Variants in ITSN1 observed in about 807,000 individuals in gnomAD.
ITSN1 encodes intersectin-1.
ITSN1 carries 58 observed loss-of-function variants against 239.8 expected under a neutral mutation model. That is an observed-to-expected ratio of 0.24 (90% CI 0.20 to 0.30). The LOEUF (loss-of-function observed/expected upper bound fraction) is 0.30. Ranked by LOEUF, ITSN1 falls within the 10% of genes least tolerant of loss-of-function variation. The pLI is 1.00. For missense variants in ITSN1, 1,558 were observed against 2,103.3 expected (o/e 0.74, Z 5.07); for synonymous variants, 780 against 770.8 (o/e 1.01, Z -0.20).
At chr21:33,653,051 G>A (rs1215704280) in intron 1 of ITSN1, among the ~76,000 whole-genome samples, 2 of 149,392 alleles carry the variant, frequency 1.3e-5, no homozygotes, top group Non-Finnish European at 3.0e-5. Flanking sequence ...CTGGAGCGCA[G>A]TGGCACAGTC....
intron 14 of ITSN1, 61 bp from the exon 15 acceptor site, chr21:33,781,400 C>A: frequency 1.1e-6 from 1 of 894,646 alleles, no homozygotes; most frequent in Non-Finnish European, 1.9e-6. Context: ...CTGCCTGGAT[C>A]TTAATGTAGA....
intron 29 of ITSN1, among the ~76,000 whole-genome samples, chr21:33,848,193 C>T (rs903091707): frequency 1.3e-5 from 2 of 152,208 alleles, no homozygotes; most frequent in East Asian, 3.9e-4. Context: ...AATATGACTT[C>T]GTTTGGAGAT....
At chr21:33,833,886 A>G (rs1416343247) in intron 27 of ITSN1, among the ~76,000 whole-genome samples, 2 of 152,016 alleles carry the variant, frequency 1.3e-5, no homozygotes, top group African/African-American at 4.8e-5. Flanking sequence ...AAAAAAAAAA[A>G]AAAGAAGTAC....
chr21:33,724,879 T>G (rs2065727348), intron 4 of ITSN1, among the ~76,000 whole-genome samples: 1 of 152,272 alleles, frequency 6.6e-6, no homozygotes, highest in East Asian at 1.9e-4. Context: ...GGTCTCGAAC[T>G]CCTGGACTCA....
At chr21:33,818,585 G>C in intron 23 of ITSN1, 113 bp downstream of exon 23, 1 of 933,322 alleles carries the variant, frequency 1.1e-6, no homozygotes, top group Non-Finnish European at 1.7e-6. Context: ...TTGTCTTCTA[G>C]ATCTTTTAAC....
chr21:33,766,085 G>A, intron 10 of ITSN1, 73 bp downstream of exon 10: 2 of 1,494,640 alleles, frequency 1.3e-6, no homozygotes, highest in South Asian at 1.2e-5. Flanking sequence ...TATTGACTAT[G>A]TGTCTTACCT....
In ITSN1 at chr21:33,739,735, G is replaced by T. The variant is rs188906273; in HGVS notation, c.346+4531G>T. 2.0e-4 allele frequency among the ~76,000 whole-genome samples: 31 copies of T among 152,298 alleles called. 1 individual carries two copies. Among genetic ancestry groups the T allele is most frequent in the Admixed American group, 1.8e-3 (28 of 15,296 alleles). On this transcript the variant is annotated intron_variant, in intron 5 of 39. Coordinates refer to ENST00000381318, the MANE Select transcript of ITSN1 (RefSeq NM_003024.3). ...GGAACTGCACTGGCAAAAGTCCTAA[G>T]GCAAAAACTAGCTTGGGGTTTGGAA...
At chr21:33,738,174 C>T (rs1664034313) in intron 5 of ITSN1, among the ~76,000 whole-genome samples, 1 of 151,706 alleles carries the variant, frequency 6.6e-6, no homozygotes, top group Non-Finnish European at 1.5e-5. Flanking sequence ...GTGACAGAGC[C>T]AGACCCTATC....
Position 33,722,599 on chromosome 21 carries a change from A to G in ITSN1, c.133A>G (p.Arg45Gly). The change falls in exon 4 of 40, where the codon AGA (arginine) becomes GGA (glycine). Residue 45 changes from arginine (R) to glycine (G), a missense_variant. Transcript: ENST00000381318. ...TGTTTAATTTACAGGTGATCAAGCT[A>G]GAAACTTTTTTTTTCAATCTGGGTT... ...ISGFITGDQARNFFFQSGLPQ... is the reference protein window; with the variant it reads ...ISGFITGDQAGNFFFQSGLPQ... 6.4e-7 allele frequency: 1 copy of G among 1,568,964 alleles called. No homozygotes were observed. Among genetic ancestry groups the G allele is most frequent in the Non-Finnish European group, 8.6e-7 (1 of 1,164,202 alleles).
chr21:33,686,364 T>C (rs535656446), intron 1 of ITSN1, among the ~76,000 whole-genome samples: 2 of 152,318 alleles, frequency 1.3e-5, no homozygotes, highest in South Asian at 4.1e-4. Context: ...ATATTGCTTT[T>C]TCTCTTTTCC....
At position 33,893,702 on chromosome 21, in the gene ITSN1, C is replaced by T. The variant is rs1478945566; in HGVS notation, c.*5402C>T. On this transcript the variant is annotated 3_prime_UTR_variant, in exon 40 of 40. Transcript: ENST00000381318. ...CCACAGCTTCCTCTGGATCCTGCTT[C>T]TTTGTACTTGGAACACAGTTTATTT... is the stretch of plus-strand genomic sequence containing the variant. The T allele has an allele frequency of 6.6e-6, 1 of 152,190 alleles. No individual in the cohort carries two copies. The highest frequency in any genetic ancestry group is 1.5e-5 in the Non-Finnish European group (1 of 68,068). The allele number at this position is 152,190 out of a possible 1,614,324, so 9.4% of individuals were successfully genotyped here.
Position 33,882,655 on chromosome 21 carries a change from G to A in ITSN1, c.4554+200G>A, listed in dbSNP as rs1301149906. ...AGTGTCAGTGACACTCAGTGCTATC[G>A]GTGGAACATATTGGCTGCCAAATGG... is the stretch of plus-strand genomic sequence containing the variant. On this transcript the variant is annotated intron_variant, in intron 35 of 39. Transcript: ENST00000381318. The surrounding 1 kb of genome is among the most constrained non-coding windows in gnomAD (Gnocchi z 4.5). Among the ~76,000 whole-genome samples the A allele has an allele frequency of 6.6e-6, 1 of 152,116 alleles. No homozygotes were observed. The highest frequency in any genetic ancestry group is 1.9e-4 in the East Asian group (1 of 5,190).
At chr21:33,669,509 G>A (rs1392359541) in intron 1 of ITSN1, among the ~76,000 whole-genome samples, 1 of 142,060 alleles carries the variant, frequency 7.0e-6, no homozygotes, top group African/African-American at 2.6e-5. Context: ...GTGCGATCTC[G>A]GCTCACTGCA....
intron 5 of ITSN1, among the ~76,000 whole-genome samples, chr21:33,743,841 A>G (rs959346406): frequency 1.3e-5 from 2 of 152,238 alleles, no homozygotes; most frequent in Admixed American, 6.5e-5. Context: ...ATGGAGTAAC[A>G]TATTTAGAAT....
At chr21:33,790,507 T>C (rs2147979929) in intron 16 of ITSN1, among the ~76,000 whole-genome samples, 1 of 152,080 alleles carries the variant, frequency 6.6e-6, no homozygotes, top group East Asian at 1.9e-4. Context: ...AAAAGAAAAA[T>C]CAACAAAGTT....
chr21:33,775,853 T>C (rs1359643973), intron 14 of ITSN1, among the ~76,000 whole-genome samples: 1 of 152,240 alleles, frequency 6.6e-6, no homozygotes, highest in African/African-American at 2.4e-5. Context: ...CTTTTAGTAG[T>C]TCTGTCTTCA....
At chr21:33,770,559 A>G (rs1177620394) in intron 11 of ITSN1, among the ~76,000 whole-genome samples, 3 of 152,258 alleles carry the variant, frequency 2.0e-5, no homozygotes, top group Non-Finnish European at 2.9e-5. Flanking sequence ...ACAAAACTCC[A>G]TATCCATCAC....
rs191970211 is a variant in ITSN1 at position 33,820,771 on chromosome 21, C to G, written c.3016+1448C>G. On this transcript the variant is annotated intron_variant, in intron 24 of 39. Coordinates refer to ENST00000381318, the MANE Select transcript of ITSN1 (RefSeq NM_003024.3). ...CATTATCTTAATGACTTTTTATCCA[C>G]TGTTAGGGTAACAAGGCAAAAAGCT... 4.2e-3 allele frequency among the ~76,000 whole-genome samples: 641 copies of G among 152,282 alleles called. 4 individuals are homozygous for G. Among genetic ancestry groups the G allele is most frequent in the African/African-American group, 0.015 (618 of 41,556 alleles).
chr21:33,798,143 G>A (rs778796084), intron 18 of ITSN1, among the ~76,000 whole-genome samples: 4 of 151,956 alleles, frequency 2.6e-5, no homozygotes, highest in Admixed American at 6.6e-5. Flanking sequence ...TGTCGCCTAG[G>A]CTAGAGTGCA....
Sources: allele counts gnomAD v4.1 joint callset (sites outside exome capture counted in the v4.1 genomes callset), GRCh38; gene constraint gnomAD v4.1.1; non-coding constraint Gnocchi (gnomAD v3.1); transcripts MANE v1.5; gene names NCBI Gene and HGNC (gene_info 2026-07-23, HGNC 2026-07-21).